NSRP1: variants seen among roughly 807,000 people sequenced by gnomAD.
The protein encoded by NSRP1 is nuclear speckle splicing regulatory protein 1, also known as coiled-coil domain containing 55.
In NSRP1, 24 loss-of-function variants were observed where a neutral mutation model predicts 54.7. That is an observed-to-expected ratio of 0.44 (90% CI 0.32 to 0.62). The LOEUF is 0.62. Among genes scored for constraint, NSRP1 ranks in the 20% least tolerant of loss-of-function variants. NSRP1 has a pLI of 0.06. For synonymous variants in NSRP1, 210 were observed against 213.8 expected (o/e 0.98, Z 0.15); for missense variants, 596 against 651.2 (o/e 0.92, Z 0.92).
At chr17:30,171,959 CACACACACA>C (rs1904948453) in intron 2 of NSRP1, among the ~76,000 whole-genome samples, 1 of 135,850 alleles carries the variant, frequency 7.4e-6, no homozygotes, top group Non-Finnish European at 1.6e-5. Flanking sequence ...CACACACACA[CACACACACA>C]CACACTCCCT....
At position 30,172,014 on chromosome 17, in the gene NSRP1, T is replaced by TCTCTCTCTCTCTCTCTCACA. The variant is rs144705088; in HGVS notation, c.115-527_115-526insTCTCTCTCTCTCTCTCACAC. Among the ~76,000 whole-genome samples, 44 of 131,168 alleles carry TCTCTCTCTCTCTCTCTCACA rather than the reference T, an allele frequency of 3.4e-4. 4 individuals are homozygous for TCTCTCTCTCTCTCTCTCACA. The highest frequency in any genetic ancestry group is 1.3e-3 in the South Asian group (5 of 3,782). The allele number at this position is 131,168 out of a possible 152,430, so 86.1% of individuals were successfully genotyped here. On this transcript the variant is annotated intron_variant, in intron 2 of 6. Coordinates refer to ENST00000247026, the MANE Select transcript of NSRP1 (RefSeq NM_032141.4). Reference sequence around the variant, plus strand: ...CTCTCTCTCTCTCTCTCTCTCTCTCTCACATGTTCACATGAAGCAAATTGA... The same window carrying TCTCTCTCTCTCTCTCTCACA: ...CTCTCTCTCTCTCTCTCTCTCTCTCTCTCTCTCTCTCTCTCTCACACACATGTTCACATGAAGCAAATTGA...
chr17:30,171,492 G>C (rs1904931476), intron 2 of NSRP1, among the ~76,000 whole-genome samples: 1 of 151,826 alleles, frequency 6.6e-6, no homozygotes, highest in African/African-American at 2.4e-5. Context: ...TTTCAGTAGA[G>C]ACGGGGTTTC....
chr17:30,184,828 G>A lies in NSRP1; in HGVS notation c.831G>A (p.Glu277=), dbSNP rs1382332161. The A allele has an allele frequency of 3.7e-6, 6 of 1,613,966 alleles. No homozygotes were observed. The African/African-American group carries it at 6.7e-5, about 18-fold the overall frequency. Residue 277 remains glutamate, a synonymous_variant, in exon 7 of 7, where the codon GAG becomes GAA. Transcript: ENST00000247026. ...GGGAAAAGGTCATAGAGACCCCTGA[G>A]AATGACTTCAAGCACCACAGGAGTC... The part of the protein sequence containing the change: ...CRREKVIETP[E]NDFKHHRSQN...
At chr17:30,181,932 A>T (rs1691666711) in intron 6 of NSRP1, among the ~76,000 whole-genome samples, 2 of 150,200 alleles carry the variant, frequency 1.3e-5, no homozygotes, top group South Asian at 2.1e-4. Context: ...TTTGTTGTGG[A>T]GATGGGGCTT....
intron 2 of NSRP1, among the ~76,000 whole-genome samples, chr17:30,123,136 G>A (rs778067133): frequency 1.4e-4 from 21 of 148,764 alleles, no homozygotes; most frequent in Non-Finnish European, 2.6e-4. Context: ...GTCTCGCTCT[G>A]TAGCCCAGGC....
intron 2 of NSRP1, among the ~76,000 whole-genome samples, chr17:30,146,909 A>C (rs2071860826): frequency 6.6e-6 from 1 of 152,186 alleles, no homozygotes; most frequent in South Asian, 2.1e-4. Context: ...ATTTACTGTA[A>C]TAGTTTGTTT....
At chr17:30,130,185 T>C (rs953805531) in intron 2 of NSRP1, among the ~76,000 whole-genome samples, 2 of 152,286 alleles carry the variant, frequency 1.3e-5, no homozygotes, top group East Asian at 3.9e-4. Context: ...AGCCTCAACC[T>C]CCTGGGCTCA....
chr17:30,181,610 G>GT (rs1028312563), intron 6 of NSRP1, among the ~76,000 whole-genome samples: 163 of 111,570 alleles, frequency 1.5e-3, no homozygotes, highest in African/African-American at 2.5e-3. Context: ...TTTTTTTTTT[G>GT]TTTTTTTTTT....
At chr17:30,137,537 C>T (rs1305614189) in intron 2 of NSRP1, among the ~76,000 whole-genome samples, 2 of 152,212 alleles carry the variant, frequency 1.3e-5, no homozygotes, top group African/African-American at 2.4e-5. Context: ...AGTGAGGAGC[C>T]ACAGCCGTCC....
intron 2 of NSRP1, among the ~76,000 whole-genome samples, chr17:30,131,353 G>C (rs1195446768): frequency 6.6e-6 from 1 of 151,080 alleles, no homozygotes; most frequent in East Asian, 1.9e-4. Context: ...AGGGAAGAGA[G>C]AGAGGAAGAG....
intron 2 of NSRP1, among the ~76,000 whole-genome samples, chr17:30,160,113 C>T (rs1410678015): frequency 6.6e-6 from 1 of 152,088 alleles, no homozygotes; most frequent in East Asian, 1.9e-4. Flanking sequence ...TATTGATTTG[C>T]ATATGGTAAA....
At chr17:30,134,918 T>G (rs1046723354) in intron 2 of NSRP1, among the ~76,000 whole-genome samples, 10 of 152,176 alleles carry the variant, frequency 6.6e-5, no homozygotes, top group Admixed American at 5.9e-4. Context: ...TACACAACTT[T>G]GCCTTCCAGT....
rs748513327 is a variant in NSRP1 at position 30,185,333 on chromosome 17, T to A, written c.1336T>A (p.Ser446Thr). Residue 446 changes from serine to threonine, a missense_variant, in exon 7 of 7, where the codon TCT becomes ACT. By Grantham distance (58) the Ser-to-Thr change is moderately conservative. Coordinates refer to ENST00000247026, the MANE Select transcript of NSRP1 (RefSeq NM_032141.4). Reference sequence around the variant, plus strand: ...AGAAAAACGAGAGGTAGGTGTTCAGTCTTCAGAAAGAAATCAAGACAGAAA... The same window carrying A: ...AGAAAAACGAGAGGTAGGTGTTCAGACTTCAGAAAGAAATCAAGACAGAAA... ...DREKREVGVQ[S>T]SERNQDRKES... 1 of 1,610,120 alleles carries A rather than the reference T, an allele frequency of 6.2e-7. No homozygotes were observed. The highest frequency in any genetic ancestry group is 8.5e-7 in the Non-Finnish European group (1 of 1,179,040).
chr17:30,140,276 A>G (rs2071791090), intron 2 of NSRP1, among the ~76,000 whole-genome samples: 1 of 152,196 alleles, frequency 6.6e-6, no homozygotes, highest in Non-Finnish European at 1.5e-5. Context: ...TTTATAGTGA[A>G]TTAATAACTT....
At position 30,185,233 on chromosome 17, in the gene NSRP1, G is replaced by A. The variant is rs554232357; in HGVS notation, c.1236G>A (p.Glu412=). The change falls in exon 7 of 7, where the codon GAG becomes GAA. Residue 412 remains glutamate, a synonymous_variant. Coordinates refer to ENST00000247026, the MANE Select transcript of NSRP1 (RefSeq NM_032141.4). ...NRPSEKGEKE[E]KSKAKEEHMK... is the part of the protein sequence containing the mutation. ...CCAGTGAGAAAGGAGAGAAGGAAGA[G>A]AAAAGCAAAGCAAAGGAAGAGCATA... 2.0e-4 allele frequency: 308 copies of A among 1,577,702 alleles called. No homozygotes were observed. The South Asian group carries it at 3.4e-3, about 17-fold the overall frequency.
At chr17:30,145,963 C>G (rs1014494179) in intron 2 of NSRP1, among the ~76,000 whole-genome samples, 1 of 152,024 alleles carries the variant, frequency 6.6e-6, no homozygotes, top group Non-Finnish European at 1.5e-5. Flanking sequence ...AATTCCCCCA[C>G]TTTTGTCTTC....
intron 2 of NSRP1, among the ~76,000 whole-genome samples, chr17:30,143,784 G>A (rs1250351457): frequency 2.6e-5 from 4 of 152,198 alleles, no homozygotes; most frequent in Middle Eastern, 3.4e-3. Flanking sequence ...TAGCACAGTA[G>A]GGTGACTAGT....
At chr17:30,139,376 T>G (rs1254579368) in intron 2 of NSRP1, among the ~76,000 whole-genome samples, 1 of 152,210 alleles carries the variant, frequency 6.6e-6, no homozygotes, top group Non-Finnish European at 1.5e-5. Context: ...AAGTTTTTAA[T>G]TATGCTGATC....
At chr17:30,160,731 A>T (rs913723781) in intron 2 of NSRP1, among the ~76,000 whole-genome samples, 1 of 152,192 alleles carries the variant, frequency 6.6e-6, no homozygotes, top group Non-Finnish European at 1.5e-5. Flanking sequence ...CACTTGAACC[A>T]TCATTCTTGA....
Sources: allele counts gnomAD v4.1 joint callset (sites outside exome capture counted in the v4.1 genomes callset), GRCh38; gene constraint gnomAD v4.1.1; transcripts MANE v1.5; gene names NCBI Gene and HGNC (gene_info 2026-07-23, HGNC 2026-07-21).